The following FRAS1 variants were observed in gnomAD, a reference collection of about 807,000 sequenced individuals.
FRAS1 encodes Fraser extracellular matrix complex subunit 1.
A neutral mutation model predicts 435.2 loss-of-function variants in FRAS1; 290 were observed. The observed-to-expected ratio is 0.67, with a 90% confidence interval of 0.61 to 0.73. The LOEUF (loss-of-function observed/expected upper bound fraction) is 0.73. Among genes scored for constraint, FRAS1 ranks in the 30% least tolerant of loss-of-function variants. The pLI is 0.00. For synonymous variants in FRAS1, 1,800 were observed against 1,851.0 expected (o/e 0.97, Z 0.71); for missense variants, 4,860 against 5,001.5 (o/e 0.97, Z 0.85).
intron 62 of FRAS1, among the ~76,000 whole-genome samples, chr4:78,508,283 T>G (rs956973997): frequency 1.3e-5 from 2 of 152,228 alleles, no homozygotes; most frequent in Non-Finnish European, 2.9e-5. Flanking sequence ...TAGAAAAGAA[T>G]GATGATTATT....
At chr4:78,502,603 G>A (rs1298098633) in intron 61 of FRAS1, among the ~76,000 whole-genome samples, 1 of 152,136 alleles carries the variant, frequency 6.6e-6, no homozygotes, top group Non-Finnish European at 1.5e-5. Flanking sequence ...ATCAGCTTAG[G>A]GAGATTTTGG....
chr4:78,183,781 T>C (rs939853970), intron 2 of FRAS1, among the ~76,000 whole-genome samples: 1 of 150,220 alleles, frequency 6.7e-6, no homozygotes, highest in Non-Finnish European at 1.5e-5. Flanking sequence ...TGTGTTTAAA[T>C]ATATTATAGC....
chr4:78,499,601 C>G, intron 60 of FRAS1, 120 bp from the exon 61 acceptor site: 1 of 857,944 alleles, frequency 1.2e-6, no homozygotes. Flanking sequence ...AGCCATTTTG[C>G]CTTCATACTG....
chr4:78,327,517 T>G (rs1729768718), intron 18 of FRAS1, among the ~76,000 whole-genome samples: 1 of 152,210 alleles, frequency 6.6e-6, no homozygotes, highest in Non-Finnish European at 1.5e-5. Flanking sequence ...TAAGTTTAAT[T>G]ATTTTAGGTA....
intron 31 of FRAS1, among the ~76,000 whole-genome samples, chr4:78,410,455 A>T (rs1010801150): frequency 6.9e-5 from 4 of 58,130 alleles, no homozygotes; most frequent in African/African-American, 2.6e-4. Flanking sequence ...ATAATGATTT[A>T]AAAAAAACTC....
At chr4:78,182,422 C>T (rs1415515135) in intron 2 of FRAS1, among the ~76,000 whole-genome samples, 1 of 152,048 alleles carries the variant, frequency 6.6e-6, no homozygotes, top group Non-Finnish European at 1.5e-5. Context: ...GGTAACCAGG[C>T]AAAGAAGAAG....
At chr4:78,098,269 A>T (rs1021402940) in intron 2 of FRAS1, among the ~76,000 whole-genome samples, 9 of 143,588 alleles carry the variant, frequency 6.3e-5, no homozygotes, top group African/African-American at 7.8e-5. Context: ...GTTAGGATAG[A>T]TCTTTTCTTT....
At chr4:78,153,454 A>G (rs1057283664) in intron 2 of FRAS1, among the ~76,000 whole-genome samples, 1 of 152,214 alleles carries the variant, frequency 6.6e-6, no homozygotes, top group African/African-American at 2.4e-5. Flanking sequence ...CTGTCTAAAC[A>G]CTAAATTCTT....
At chr4:78,260,660 T>A (rs1174944459) in intron 6 of FRAS1, among the ~76,000 whole-genome samples, 1 of 152,230 alleles carries the variant, frequency 6.6e-6, no homozygotes, top group African/African-American at 2.4e-5. Context: ...CAGGGACAAT[T>A]TGACTTCCTC....
intron 2 of FRAS1, among the ~76,000 whole-genome samples, chr4:78,088,666 A>T (rs11098038): frequency 8.6e-5 from 13 of 151,790 alleles, no homozygotes; most frequent in Non-Finnish European, 1.5e-4. Flanking sequence ...CAGCCAAAAA[A>T]CACATGAAAA....
rs531488927 is a variant in FRAS1, at chr4:78,183,027, AAG to A, written c.109-54479_109-54478del. Among the ~76,000 whole-genome samples, 83 of 152,304 alleles carry A rather than the reference AAG, an allele frequency of 5.4e-4. 1 individual carries two copies. The South Asian group carries it at 0.014, about 25-fold the overall frequency. On this transcript the variant is annotated intron_variant, in intron 2 of 73. Coordinates refer to ENST00000512123, the MANE Select transcript of FRAS1 (RefSeq NM_025074.7). ...AGGTACACAGCAGAGAAGCTGGAAA[AAG>A]AGATAGAAGGAGCAGCTTAAGACAG...
chr4:78,129,659 T>A (rs905896906), intron 2 of FRAS1, among the ~76,000 whole-genome samples: 9 of 151,954 alleles, frequency 5.9e-5, no homozygotes, highest in African/African-American at 1.2e-4. Flanking sequence ...ACTTCCAGAG[T>A]CTAGAGAAGG....
At position 78,466,293 on chromosome 4, in the gene FRAS1, C is replaced by A; in HGVS notation, c.7115C>A (p.Thr2372Asn). 6.2e-7 allele frequency: 1 copy of A among 1,613,908 alleles called. No individual in the cohort carries two copies. The highest frequency in any genetic ancestry group is 8.5e-7 in the Non-Finnish European group (1 of 1,179,816). The change falls in exon 50 of 74, where the codon ACC (threonine) becomes AAC (asparagine). Residue 2372 changes from threonine to asparagine, a missense_variant. Coordinates refer to ENST00000512123, the MANE Select transcript of FRAS1 (RefSeq NM_025074.7). ...RTSNGQHFHL[T>N]STFTMKDIYQ... ...AGCAATGGGCAGCATTTCCACCTCA[C>A]CTCCACCTTCACCATGAAAGATATC... is the stretch of plus-strand genomic sequence containing the variant.
rs1727898631 is a variant in FRAS1 at position 78,291,552 on chromosome 4, C to A, written c.1534+5013C>A. On this transcript the variant is annotated intron_variant, in intron 14 of 73. Coordinates refer to ENST00000512123, the MANE Select transcript of FRAS1 (RefSeq NM_025074.7). ...TGGTTTAGGAGATGGTACCTGGTGT[C>A]TAGAAAGCCCTTCATATAAGTTTAG... 1.3e-5 allele frequency among the ~76,000 whole-genome samples: 2 copies of A among 152,148 alleles called. 1 individual carries two copies. The highest frequency in any genetic ancestry group is 4.8e-5 in the African/African-American group (2 of 41,452).
At chr4:78,060,995 C>T (rs1184310953) in intron 1 of FRAS1, among the ~76,000 whole-genome samples, 2 of 151,906 alleles carry the variant, frequency 1.3e-5, no homozygotes, top group Non-Finnish European at 2.9e-5. Context: ...TACAGATGTG[C>T]GCCACCATGC....
At chr4:78,159,594 G>T (rs148438562) in intron 2 of FRAS1, among the ~76,000 whole-genome samples, 127 of 152,202 alleles carry the variant, frequency 8.3e-4, no homozygotes, top group African/African-American at 3.0e-3. Flanking sequence ...AAATGACCTA[G>T]AACTGGCCAA....
intron 2 of FRAS1, among the ~76,000 whole-genome samples, chr4:78,129,486 G>A (rs1719571006): frequency 6.6e-6 from 1 of 152,092 alleles, no homozygotes; most frequent in Non-Finnish European, 1.5e-5. Context: ...AAGTGGCCAT[G>A]GCCCCCTGAT....
At chr4:78,073,530 T>C (rs1740467613) in intron 2 of FRAS1, among the ~76,000 whole-genome samples, 1 of 152,210 alleles carries the variant, frequency 6.6e-6, no homozygotes, top group African/African-American at 2.4e-5. Flanking sequence ...TTGATATTTT[T>C]ATTTATTCTA....
At chr4:78,296,749 C>T (rs886903157) in intron 14 of FRAS1, among the ~76,000 whole-genome samples, 4 of 152,118 alleles carry the variant, frequency 2.6e-5, no homozygotes, top group Non-Finnish European at 4.4e-5. Flanking sequence ...GTAGTCTTTT[C>T]CATCCTTCCC....
Sources: gnomAD v4.1 joint callset for allele counts (sites outside exome capture counted in the v4.1 genomes callset) on GRCh38, gnomAD v4.1.1 for gene constraint, MANE v1.5 for transcripts, NCBI Gene and HGNC (gene_info 2026-07-23, HGNC 2026-07-21) for gene names.